FHIT: variants seen among roughly 807,000 people sequenced by gnomAD.
The protein encoded by FHIT is bis(5'-adenosyl)-triphosphatase.
FHIT carries 19 observed loss-of-function variants against 17.9 expected under a neutral mutation model. The ratio of observed to expected loss-of-function variants is 1.06; its 90% CI spans 0.74 to 1.56. The LOEUF (loss-of-function observed/expected upper bound fraction) is 1.56, where lower values mean the gene tolerates loss of function less well. Among genes scored for constraint, FHIT ranks in the 40% most tolerant of loss-of-function variants. The pLI, the probability that FHIT is intolerant of heterozygous loss-of-function variation, is 0.00. For missense variants in FHIT, 248 were observed against 189.2 expected (o/e 1.31, Z -1.82); for synonymous variants, 81 against 69.7 (o/e 1.16, Z -0.81).
intron 8 of FHIT, among the ~76,000 whole-genome samples, chr3:59,905,260 AG>A (rs1191458486): frequency 6.6e-6 from 1 of 152,208 alleles, no homozygotes; most frequent in Non-Finnish European, 1.5e-5. Context: ...GCAGGAAAAA[AG>A]AATTGATAGA....
chr3:61,231,853 C>T (rs1289417245), intron 1 of FHIT, among the ~76,000 whole-genome samples: 1 of 152,158 alleles, frequency 6.6e-6, no homozygotes, highest in Admixed American at 6.5e-5. Context: ...ATGAGCCATA[C>T]ATATGGAAAA....
At chr3:59,833,768 GT>G (rs112791786) in intron 8 of FHIT, among the ~76,000 whole-genome samples, 11 of 152,250 alleles carry the variant, frequency 7.2e-5, no homozygotes, top group African/African-American at 2.2e-4. Context: ...ATCTCCACAT[GT>G]TGAGGGAGAG....
chr3:59,892,909 T>C lies in FHIT; in HGVS notation c.348+29437A>G, dbSNP rs1249617107. On this transcript the variant is annotated intron_variant, in intron 8 of 9. Transcript: ENST00000492590. Reference sequence around the variant, plus strand: ...AAACACTGATCCTTGAAAAGCGTTTTCATACTTTATACAAAAAAGATAGGA... The same window carrying C: ...AAACACTGATCCTTGAAAAGCGTTTCCATACTTTATACAAAAAAGATAGGA... Among the ~76,000 whole-genome samples the C allele has an allele frequency of 2.6e-5, 4 of 152,346 alleles. No homozygotes were observed. The East Asian group carries it at 7.7e-4, about 29-fold the overall frequency.
intron 5 of FHIT, among the ~76,000 whole-genome samples, chr3:60,123,883 A>G (rs1387307219): frequency 6.7e-6 from 1 of 148,578 alleles, no homozygotes; most frequent in Non-Finnish European, 1.5e-5. Flanking sequence ...TGAGACACTT[A>G]AAAATATTTG....
chr3:59,874,728 G>T (rs1454415655), intron 8 of FHIT, among the ~76,000 whole-genome samples: 1 of 150,952 alleles, frequency 6.6e-6, no homozygotes, highest in Non-Finnish European at 1.5e-5. Flanking sequence ...ACCCTGGCCT[G>T]TGCTGGGCAC....
chr3:60,087,209 G>T (rs1448217025), intron 5 of FHIT, among the ~76,000 whole-genome samples: 1 of 152,156 alleles, frequency 6.6e-6, no homozygotes, highest in Non-Finnish European at 1.5e-5. Flanking sequence ...AGGCAGCCCA[G>T]GGCAGCAATA....
At chr3:60,513,867 C>T (rs1260222891) in intron 5 of FHIT, among the ~76,000 whole-genome samples, 2 of 152,214 alleles carry the variant, frequency 1.3e-5, no homozygotes, top group South Asian at 2.1e-4. Context: ...CATAAGAACC[C>T]CAAACCCCAC....
intron 5 of FHIT, among the ~76,000 whole-genome samples, chr3:60,081,278 T>C (rs1703272625): frequency 6.6e-6 from 1 of 152,126 alleles, no homozygotes; most frequent in Admixed American, 6.6e-5. Context: ...GGGGTGGTTC[T>C]GCATATTAAA....
intron 5 of FHIT, among the ~76,000 whole-genome samples, chr3:60,391,502 C>A (rs1162753837): frequency 6.6e-6 from 1 of 152,128 alleles, no homozygotes; most frequent in African/African-American, 2.4e-5. Flanking sequence ...ACTGACTCAT[C>A]CTGAGCAACT....
At chr3:60,564,691 T>G (rs1181517826) in intron 4 of FHIT, among the ~76,000 whole-genome samples, 1 of 152,272 alleles carries the variant, frequency 6.6e-6, no homozygotes, top group South Asian at 2.1e-4. Flanking sequence ...AAGACGTGAC[T>G]GTATTGCTGT....
Position 60,386,337 on chromosome 3 carries a change from G to A in FHIT, c.103+150523C>T, listed in dbSNP as rs79019079. ...CATTTTTTGAGGAATTACCTTTCCGGCAGCACATTTGAGGGATTCAAGGAC... is the reference window on the plus strand; with the variant it reads ...CATTTTTTGAGGAATTACCTTTCCGACAGCACATTTGAGGGATTCAAGGAC... On this transcript the variant is annotated intron_variant, in intron 5 of 9. Coordinates refer to ENST00000492590, the MANE Select transcript of FHIT (RefSeq NM_002012.4). 9.5e-3 allele frequency among the ~76,000 whole-genome samples: 1,439 copies of A among 152,218 alleles called. 26 individuals carry two copies. Among genetic ancestry groups the A allele is most frequent in the African/African-American group, 0.032 (1,347 of 41,516 alleles).
chr3:59,906,150 G>A (rs143046318), intron 8 of FHIT, among the ~76,000 whole-genome samples: 94 of 152,306 alleles, frequency 6.2e-4, no homozygotes, highest in African/African-American at 1.9e-3. Context: ...TGCTCTATGA[G>A]AATAACTGGA....
chr3:60,902,628 T>C (rs990435316), intron 3 of FHIT, among the ~76,000 whole-genome samples: 11 of 152,172 alleles, frequency 7.2e-5, no homozygotes, highest in African/African-American at 2.7e-4. Flanking sequence ...GATGGTATAA[T>C]GGAAACTGTT....
At chr3:61,207,774 T>A (rs1250961461) in intron 1 of FHIT, among the ~76,000 whole-genome samples, 1 of 152,222 alleles carries the variant, frequency 6.6e-6, no homozygotes, top group Non-Finnish European at 1.5e-5. Flanking sequence ...AACCAGCTCC[T>A]GGATTCATTA....
intron 8 of FHIT, among the ~76,000 whole-genome samples, chr3:59,854,564 G>C (rs1025572436): frequency 6.6e-6 from 1 of 152,112 alleles, no homozygotes; most frequent in African/African-American, 2.4e-5. Flanking sequence ...TCACACCGCA[G>C]AGCACTCTCT....
rs974497632 is a variant in FHIT at position 60,145,159 on chromosome 3, T to A, written c.104-131007A>T. 6.6e-4 allele frequency among the ~76,000 whole-genome samples: 100 copies of A among 152,328 alleles called. 1 individual carries two copies. Among genetic ancestry groups the A allele is most frequent in the African/African-American group, 2.4e-3 (99 of 41,592 alleles). ...TGTTAGATTGTCCACCTACAATTTTTTTTTGTCCTTTGAATTACTTTCTAC... is the reference window on the plus strand; with the variant it reads ...TGTTAGATTGTCCACCTACAATTTTATTTTGTCCTTTGAATTACTTTCTAC... On this transcript the variant is annotated intron_variant, in intron 5 of 9. Transcript: ENST00000492590.
intron 4 of FHIT, among the ~76,000 whole-genome samples, chr3:60,814,859 C>T (rs1257035674): frequency 6.6e-6 from 1 of 150,950 alleles, no homozygotes; most frequent in Admixed American, 6.6e-5. Flanking sequence ...TCAGCAGCCT[C>T]ACCAACATGT....
intron 5 of FHIT, among the ~76,000 whole-genome samples, chr3:60,192,424 T>C (rs1270250561): frequency 6.6e-6 from 1 of 152,106 alleles, no homozygotes; most frequent in Non-Finnish European, 1.5e-5. Context: ...ATGCCTTTCA[T>C]GAAAGCCAAC....
At chr3:60,536,629 A>G (rs2035989856) in intron 5 of FHIT, 1 of 409,106 alleles carries the variant, frequency 2.4e-6, no homozygotes, top group Non-Finnish European at 4.2e-6. Flanking sequence ...TTGCTAAGCA[A>G]CTCTCCTCAG....
Sources: allele counts gnomAD v4.1 joint callset (sites outside exome capture counted in the v4.1 genomes callset), GRCh38; gene constraint gnomAD v4.1.1; transcripts MANE v1.5; gene names NCBI Gene and HGNC (gene_info 2026-07-23, HGNC 2026-07-21).